Variants in CKAP5 observed in about 807,000 individuals in gnomAD.
The protein encoded by CKAP5 is cytoskeleton associated protein 5.
A neutral mutation model predicts 232.8 loss-of-function variants in CKAP5; 27 were observed. The observed-to-expected ratio is 0.12, with a 90% confidence interval of 0.09 to 0.16. The LOEUF (loss-of-function observed/expected upper bound fraction) is 0.16, where lower values mean the gene tolerates loss of function less well. Ranked by LOEUF, CKAP5 falls within the 10% of genes least tolerant of loss-of-function variation. CKAP5 has a pLI of 1.00. For missense variants in CKAP5, 1,838 were observed against 2,424.7 expected (o/e 0.76, Z 5.08); for synonymous variants, 785 against 841.1 (o/e 0.93, Z 1.16).
rs1338815360 is a variant in CKAP5, at chr11:46,790,189, G to A, written c.1765-3C>T. ...GCTTTTTCTTCACATACTTCTATCT[G>A]TAAGATACAAAAACATATTAGAATT... On this transcript the variant is annotated splice_region_variant and splice_polypyrimidine_tract_variant and intron_variant, in intron 14 of 43. Coordinates refer to ENST00000529230, the MANE Select transcript of CKAP5 (RefSeq NM_001008938.4). 12 of 1,572,486 alleles carry A rather than the reference G, an allele frequency of 7.6e-6. No homozygotes were observed. Among genetic ancestry groups the A allele is most frequent in the Non-Finnish European group, 7.9e-6 (9 of 1,145,606 alleles).
intron 40 of CKAP5, 98 bp downstream of exon 40, chr11:46,751,020 T>C: frequency 2.1e-6 from 3 of 1,445,132 alleles, no homozygotes; most frequent in South Asian, 2.5e-5. Context: ...GCCTTCACCT[T>C]GGACCTTCGG....
intron 42 of CKAP5, among the ~76,000 whole-genome samples, chr11:46,749,405 A>G (rs1282601195): frequency 6.9e-6 from 1 of 144,324 alleles, no homozygotes; most frequent in African/African-American, 2.6e-5. Flanking sequence ...CAGTGAGCTG[A>G]GATTACACCA....
chr11:46,766,531 T>A (rs960791762), intron 27 of CKAP5, among the ~76,000 whole-genome samples: 1 of 152,196 alleles, frequency 6.6e-6, no homozygotes, highest in African/African-American at 2.4e-5. Flanking sequence ...TACTCCAAAA[T>A]GGGGGTGTAA....
At chr11:46,820,868 T>A (rs1939508298) in intron 2 of CKAP5, 2 of 196,382 alleles carry the variant, frequency 1.0e-5, no homozygotes, top group South Asian at 3.6e-4. Flanking sequence ...TATTAGTAAG[T>A]ACTTAGGTAC....
Position 46,811,717 on chromosome 11 carries a change from T to A in CKAP5, c.459-539A>T, listed in dbSNP as rs190114298. ...GTCTGGAACTCCTGACTTCAGGTGA[T>A]CCACCCGCCTCAGCCTCCTAAAGTG... is the stretch of plus-strand genomic sequence containing the variant. On this transcript the variant is annotated intron_variant, in intron 4 of 43. Transcript: ENST00000529230. Among the ~76,000 whole-genome samples, 420 of 152,248 alleles carry A rather than the reference T, an allele frequency of 2.8e-3. 2 individuals carry two copies. Among genetic ancestry groups the A allele is most frequent in the African/African-American group, 9.6e-3 (398 of 41,560 alleles).
rs60354035 is a variant in CKAP5 at position 46,843,708 on chromosome 11, C to T, written c.-38+2512G>A. Among the ~76,000 whole-genome samples, 2,200 of 124,156 alleles carry T rather than the reference C, an allele frequency of 0.018. 314 individuals carry two copies. The East Asian group carries it at 0.36, about 20-fold the overall frequency. The allele number at this position is 124,156 out of a possible 152,430, so 81.5% of individuals were successfully genotyped here. On this transcript the variant is annotated intron_variant, in intron 1 of 43. Transcript: ENST00000529230. ...TAGCAGCACTGCACTCCAGCCAGGG[C>T]GAAAGAGTGAGATCTGATTGAAAAA...
intron 1 of CKAP5, among the ~76,000 whole-genome samples, chr11:46,830,873 G>A (rs919949934): frequency 2.6e-5 from 4 of 152,104 alleles, no homozygotes; most frequent in Admixed American, 1.3e-4. Flanking sequence ...GACCATCCTG[G>A]CTAACAGGAT....
intron 4 of CKAP5, among the ~76,000 whole-genome samples, chr11:46,813,266 A>T (rs1416184332): frequency 6.6e-6 from 1 of 152,180 alleles, no homozygotes; most frequent in Non-Finnish European, 1.5e-5. Context: ...AAAATAAGAA[A>T]TTATAGTGGC....
chr11:46,835,524 A>G (rs746651086), intron 1 of CKAP5, among the ~76,000 whole-genome samples: 9 of 152,204 alleles, frequency 5.9e-5, no homozygotes, highest in Non-Finnish European at 1.2e-4. Flanking sequence ...AAAGGGACAC[A>G]GGAGCCAACC....
chr11:46,771,081 T>A, intron 24 of CKAP5, 99 bp from the exon 25 acceptor site: 2 of 973,160 alleles, frequency 2.1e-6, no homozygotes, highest in Non-Finnish European at 3.0e-6. Context: ...AGCACTGAAT[T>A]AGCTTTCACA....
At chr11:46,790,394 G>A in intron 14 of CKAP5, 76 bp downstream of exon 14, 4 of 1,115,494 alleles carry the variant, frequency 3.6e-6, no homozygotes, top group Non-Finnish European at 5.4e-6. Context: ...GTAGAACCCA[G>A]CAAAGAACTC....
At chr11:46,837,090 G>C (rs1939935045) in intron 1 of CKAP5, among the ~76,000 whole-genome samples, 1 of 152,200 alleles carries the variant, frequency 6.6e-6, no homozygotes, top group Non-Finnish European at 1.5e-5. Context: ...CTGCACAGAA[G>C]TATGTACTCT....
At chr11:46,816,444 G>T (rs1939403822) in intron 3 of CKAP5, 40 bp from the exon 4 acceptor site, 2 of 1,555,178 alleles carry the variant, frequency 1.3e-6, no homozygotes, top group East Asian at 2.2e-5. Flanking sequence ...CACTTAAGTA[G>T]TAAGAATTGG....
chr11:46,767,272 G>T lies in CKAP5; in HGVS notation c.3411+303C>A, dbSNP rs202158465. ...TGACCTCAGGTGATCCGCCTGCCTC[G>T]GCCTCCCAAAGTGCTGGGATTACAG... On this transcript the variant is annotated intron_variant, in intron 27 of 43. Coordinates refer to ENST00000529230, the MANE Select transcript of CKAP5 (RefSeq NM_001008938.4). 5.3e-5 allele frequency among the ~76,000 whole-genome samples: 8 copies of T among 152,108 alleles called. No individual in the cohort carries two copies. In the East Asian group the frequency reaches 1.5e-3, roughly 29 times the overall value.
chr11:46,747,272 T>G (rs1284662701), intron 42 of CKAP5, among the ~76,000 whole-genome samples: 1 of 152,066 alleles, frequency 6.6e-6, no homozygotes, highest in Non-Finnish European at 1.5e-5. Context: ...GAGGTGTAAG[T>G]GCTATGGTGG....
At chr11:46,762,513 G>T in intron 31 of CKAP5, 114 bp downstream of exon 31, 1 of 1,271,444 alleles carries the variant, frequency 7.9e-7, no homozygotes, top group Non-Finnish European at 1.1e-6. Flanking sequence ...TAAATCAGGA[G>T]GTTGGAATCA....
chr11:46,834,392 G>A (rs1485787768), intron 1 of CKAP5, among the ~76,000 whole-genome samples: 1 of 151,788 alleles, frequency 6.6e-6, no homozygotes, highest in Non-Finnish European at 1.5e-5. Flanking sequence ...GGTGGTACAT[G>A]CCTGCAGTCC....
intron 12 of CKAP5, 131 bp from the exon 13 acceptor site, chr11:46,795,907 T>C (rs1275102932): frequency 2.7e-6 from 2 of 747,560 alleles, no homozygotes; most frequent in Non-Finnish European, 4.4e-6. Context: ...CTCACACCTA[T>C]AATCCTAGCA....
chr11:46,841,852 G>C (rs1940061311), intron 1 of CKAP5, among the ~76,000 whole-genome samples: 1 of 152,086 alleles, frequency 6.6e-6, no homozygotes, highest in South Asian at 2.1e-4. Flanking sequence ...AAAAAATTTA[G>C]GCGGGTGCTG....
Sources: gnomAD v4.1 joint callset for allele counts (sites outside exome capture counted in the v4.1 genomes callset) on GRCh38, gnomAD v4.1.1 for gene constraint, MANE v1.5 for transcripts, NCBI Gene and HGNC (gene_info 2026-07-23, HGNC 2026-07-21) for gene names.